Variants in PRDM6 observed in about 807,000 individuals in gnomAD.
PRDM6 encodes PR/SET domain 6.
PRDM6 carries 25 observed loss-of-function variants against 60.8 expected under a neutral mutation model. That is an observed-to-expected ratio of 0.41 (90% CI 0.30 to 0.57). The LOEUF (loss-of-function observed/expected upper bound fraction) is 0.57, where lower values mean the gene tolerates loss of function less well. PRDM6 is among the 20% of genes least tolerant of loss of function. PRDM6 has a pLI of 0.27. For synonymous variants in PRDM6, 407 were observed against 357.4 expected, an observed-to-expected ratio of 1.14 and a Z score of -1.57; for missense variants, 839 against 821.3, an observed-to-expected ratio of 1.02 and a Z score of -0.26.
chr5:123,129,599 A>G (rs1561835599), intron 3 of PRDM6, among the ~76,000 whole-genome samples: 1 of 152,212 alleles, frequency 6.6e-6, no homozygotes, highest in Non-Finnish European at 1.5e-5. Flanking sequence ...ATCATTAACA[A>G]ATAACATCTT....
At chr5:123,120,994 T>G (rs193274001) in intron 3 of PRDM6, among the ~76,000 whole-genome samples, 5 of 152,244 alleles carry the variant, frequency 3.3e-5, no homozygotes, top group Non-Finnish European at 7.4e-5. Context: ...TTCCTTATGT[T>G]TGGGCTTAAT....
chr5:123,171,255 C>T, intron 6 of PRDM6, 147 bp downstream of exon 6: 2 of 686,624 alleles, frequency 2.9e-6, no homozygotes, highest in Non-Finnish European at 2.4e-6. Context: ...TGCAAGACCA[C>T]TGCTTGACTT....
chr5:123,101,242 C>T (rs1764096971), intron 3 of PRDM6, among the ~76,000 whole-genome samples: 1 of 152,106 alleles, frequency 6.6e-6, no homozygotes, highest in African/African-American at 2.4e-5. Flanking sequence ...TATCCGGAAC[C>T]CTCCTGTGAC....
chr5:123,142,877 C>CAAAAAAAAAAAAAAAAAAAA, intron 3 of PRDM6, among the ~76,000 whole-genome samples: 3 of 27,364 alleles, frequency 1.1e-4, no homozygotes, highest in Non-Finnish European at 1.9e-4. Flanking sequence ...CAGTGAAGAC[C>CAAAAAAAAAAAAAAAAAAAA]AAAAAAAAAA....
intron 3 of PRDM6, among the ~76,000 whole-genome samples, chr5:123,129,362 A>G (rs1220534556): frequency 2.0e-5 from 3 of 152,118 alleles, no homozygotes; most frequent in Non-Finnish European, 2.9e-5. Context: ...CAGTATGGCC[A>G]TTTTCACAAT....
Position 123,190,844 on chromosome 5 carries a change from T to C in PRDM6, c.*3643T>C, listed in dbSNP as rs1176546605. ...AGTGACTATTCATGATAAAATAATA[T>C]TCTCCTCCTAAGTGGCTGCTAGTAA... On this transcript the variant is annotated 3_prime_UTR_variant, in exon 8 of 8. Coordinates refer to ENST00000407847, the MANE Select transcript of PRDM6 (RefSeq NM_001136239.4). The C allele has an allele frequency of 6.6e-6, 1 of 152,224 alleles. No individual in the cohort carries two copies. The highest frequency in any genetic ancestry group is 1.5e-5 in the Non-Finnish European group (1 of 68,038). The allele number at this position is 152,224 out of a possible 1,614,324, so 9.4% of individuals were successfully genotyped here.
In PRDM6 at chr5:123,193,248, C is replaced by G. The variant is rs1290443246; in HGVS notation, c.*6047C>G. 2 of 152,210 alleles carry G rather than the reference C, an allele frequency of 1.3e-5. No individual in the cohort carries two copies. Among genetic ancestry groups the G allele is most frequent in the Non-Finnish European group, 2.9e-5 (2 of 68,054 alleles). 9.4% of individuals were successfully genotyped at this position (152,210 alleles called of 1,614,324 possible). On this transcript the variant is annotated 3_prime_UTR_variant, in exon 8 of 8. Transcript: ENST00000407847. ...CATCCTTGTTGGTGCCTTTCTCCCA[C>G]TTTGGTACATCACTCCCAACTGAAA...
At chr5:123,146,096 A>G (rs371228627) in intron 3 of PRDM6, among the ~76,000 whole-genome samples, 8 of 152,348 alleles carry the variant, frequency 5.3e-5, no homozygotes, top group Admixed American at 1.3e-4. Context: ...TAAGTATTTA[A>G]TACGATTGCT....
chr5:123,185,059 T>A (rs150425315), intron 7 of PRDM6, among the ~76,000 whole-genome samples: 2 of 152,356 alleles, frequency 1.3e-5, no homozygotes, highest in East Asian at 3.9e-4. Context: ...TGTGTAAATA[T>A]CTGCAGTGCA....
At chr5:123,126,268 C>T (rs1764692091) in intron 3 of PRDM6, among the ~76,000 whole-genome samples, 1 of 152,140 alleles carries the variant, frequency 6.6e-6, no homozygotes, top group Non-Finnish European at 1.5e-5. Context: ...GGGACAGAGG[C>T]TGCCTCCAGG....
chr5:123,179,877 GATAAAA>G (rs1208058676), intron 6 of PRDM6, among the ~76,000 whole-genome samples: 1 of 152,136 alleles, frequency 6.6e-6, no homozygotes, highest in Non-Finnish European at 1.5e-5. Context: ...CCTGGGGAAA[GATAAAA>G]ATAAGAAAGT....
At chr5:123,182,976 T>C (rs1288517774) in intron 7 of PRDM6, among the ~76,000 whole-genome samples, 1 of 152,230 alleles carries the variant, frequency 6.6e-6, no homozygotes, top group Non-Finnish European at 1.5e-5. Flanking sequence ...CCCAAGGGAA[T>C]TTTGGGAATC....
In PRDM6 at chr5:123,099,814, C is replaced by T; in HGVS notation, c.753C>T (p.Cys251=). The T allele has an allele frequency of 6.5e-7, 1 of 1,550,374 alleles. No individual in the cohort carries two copies. The highest frequency in any genetic ancestry group is 8.7e-7 in the Non-Finnish European group (1 of 1,146,798). Residue 251 remains cysteine (C), a synonymous_variant, in exon 3 of 8, where the codon TGC becomes TGT. Transcript: ENST00000407847. This position sits in a 1 kb window ranked among gnomAD's most constrained non-coding sequence, Gnocchi z 4.0. Reference sequence around the variant, plus strand: ...ACCTGCCTCGCGAGGTGTGCCTCTGCACCAGTACTGTGCCCGGCCTGGCCT... The same window carrying T: ...ACCTGCCTCGCGAGGTGTGCCTCTGTACCAGTACTGTGCCCGGCCTGGCCT... The part of the protein sequence containing the change: ...LRDLPREVCL[C]TSTVPGLAYG...
chr5:123,154,495 A>C (rs1341854642), intron 3 of PRDM6, among the ~76,000 whole-genome samples: 2 of 152,092 alleles, frequency 1.3e-5, no homozygotes, highest in Non-Finnish European at 2.9e-5. Flanking sequence ...GAATGAGTTC[A>C]AGAAAAGCAA....
intron 5 of PRDM6, among the ~76,000 whole-genome samples, chr5:123,161,798 T>G (rs965878430): frequency 1.3e-5 from 2 of 152,182 alleles, no homozygotes; most frequent in Non-Finnish European, 2.9e-5. Context: ...AGGGAGCTGT[T>G]GTAGGGTTTT....
chr5:123,143,170 T>TGTGTGTATGTGG (rs1765157718), intron 3 of PRDM6, among the ~76,000 whole-genome samples: 1 of 151,972 alleles, frequency 6.6e-6, no homozygotes, highest in Admixed American at 6.6e-5. Flanking sequence ...TGTGTGTGTG[T>TGTGTGTATGTGG]GTGTGTGTAT....
At chr5:123,103,164 C>T (rs1386503474) in intron 3 of PRDM6, among the ~76,000 whole-genome samples, 1 of 151,948 alleles carries the variant, frequency 6.6e-6, no homozygotes, top group African/African-American at 2.4e-5. Flanking sequence ...CATTTTGACT[C>T]TTCTGGGTAT....
chr5:123,128,547 T>G (rs1000628698), intron 3 of PRDM6, among the ~76,000 whole-genome samples: 15 of 152,240 alleles, frequency 9.9e-5, no homozygotes, highest in African/African-American at 2.9e-4. Context: ...TCATGTGTCG[T>G]TTGGCTGCAT....
chr5:123,167,042 TGTTTA>T (rs943356941), intron 5 of PRDM6, among the ~76,000 whole-genome samples: 7 of 152,240 alleles, frequency 4.6e-5, no homozygotes, highest in Admixed American at 6.5e-5. Flanking sequence ...AAATTTCTTG[TGTTTA>T]GTTTATACCT....
Sources: gnomAD v4.1 joint callset for allele counts (sites outside exome capture counted in the v4.1 genomes callset) on GRCh38, gnomAD v4.1.1 for gene constraint, Gnocchi (gnomAD v3.1) non-coding constraint, MANE v1.5 for transcripts, NCBI Gene and HGNC (gene_info 2026-07-23, HGNC 2026-07-21) for gene names.